Variants in CGNL1 observed in about 807,000 individuals in gnomAD.
The protein encoded by CGNL1 is cingulin like 1.
Under a neutral mutation model 141.2 loss-of-function variants are expected in CGNL1, and 132 were observed. The ratio of observed to expected loss-of-function variants is 0.93; its 90% CI spans 0.81 to 1.08. The LOEUF (loss-of-function observed/expected upper bound fraction) is 1.08. CGNL1 is among the 50% of genes least tolerant of loss of function. CGNL1 has a pLI of 0.00. For synonymous variants in CGNL1, 690 were observed against 622.1 expected (o/e 1.11, Z -1.63); for missense variants, 1,870 against 1,588.6 (o/e 1.18, Z -3.01).
In CGNL1 at chr15:57,516,809, C is replaced by G; in HGVS notation, c.2433C>G (p.Asn811Lys). The G allele has an allele frequency of 6.2e-7, 1 of 1,614,172 alleles. No individual in the cohort carries two copies. The highest frequency in any genetic ancestry group is 1.3e-5 in the African/African-American group (1 of 75,060). The change falls in exon 9 of 19, where the codon AAC becomes AAG. Residue 811 changes from asparagine (N) to lysine (K), a missense_variant. By Grantham distance (94) the Asn-to-Lys change is moderately conservative. Transcript: ENST00000281282. ...KNVEVLASRS[N>K]TSEQDQAGTE... Reference sequence around the variant, plus strand: ...TCGAGGTCTTGGCGAGCAGGAGCAACACTTCAGAGCAAGACCAGGCGGGGA... The same window carrying G: ...TCGAGGTCTTGGCGAGCAGGAGCAAGACTTCAGAGCAAGACCAGGCGGGGA...
At chr15:57,484,606 G>A (rs2063764482) in intron 8 of CGNL1, among the ~76,000 whole-genome samples, 1 of 152,018 alleles carries the variant, frequency 6.6e-6, no homozygotes, top group South Asian at 2.1e-4. Flanking sequence ...GTGCAGGTTT[G>A]TTACATAGGT....
chr15:57,498,005 G>A (rs182233747), intron 8 of CGNL1, among the ~76,000 whole-genome samples: 6 of 152,254 alleles, frequency 3.9e-5, no homozygotes, highest in Non-Finnish European at 5.9e-5. Context: ...AAAGCAGCCC[G>A]TCCACAGGTA....
At position 57,439,324 on chromosome 15, in the gene CGNL1, G is replaced by T; in HGVS notation, c.1325G>T (p.Arg442Leu). 6.2e-7 allele frequency: 1 copy of T among 1,614,084 alleles called. No individual in the cohort carries two copies. Among genetic ancestry groups the T allele is most frequent in the Non-Finnish European group, 8.5e-7 (1 of 1,180,048 alleles). Residue 442 changes from arginine (R) to leucine (L), a missense_variant, in exon 2 of 19, where the codon CGC becomes CTC. Arg to Leu is a moderately radical substitution (Grantham distance 102, BLOSUM62 -2). Transcript: ENST00000281282. ...CGCCGTGGGAAACAGAGCGTGGGCC[G>T]CACCTTTGCAAAGCTGCAGGGAGCA... ...QERRGKQSVG[R>L]TFAKLQGAAH... is the part of the protein sequence containing the mutation.
intron 8 of CGNL1, among the ~76,000 whole-genome samples, chr15:57,482,422 A>C (rs2942035): frequency 0.89 from 134,794 of 152,210 alleles, 61,016 homozygotes; most frequent in Non-Finnish European, 0.98. Flanking sequence ...TTAGTTTTGC[A>C]TTTTACATTT....
At chr15:57,451,727 A>C in intron 5 of CGNL1, 126 bp downstream of exon 5, 1 of 678,046 alleles carries the variant, frequency 1.5e-6, no homozygotes, top group Non-Finnish European at 2.5e-6. Context: ...CATTCCTCTA[A>C]TCACTGAATA....
At chr15:57,524,502 T>A in intron 11 of CGNL1, 79 bp from the exon 12 acceptor site, 2 of 1,266,950 alleles carry the variant, frequency 1.6e-6, no homozygotes, top group Non-Finnish European at 2.2e-6. Context: ...AGAGGAGATG[T>A]GCTGTGTGTT....
At chr15:57,487,544 A>G (rs1257567450) in intron 8 of CGNL1, among the ~76,000 whole-genome samples, 1 of 152,194 alleles carries the variant, frequency 6.6e-6, no homozygotes, top group Non-Finnish European at 1.5e-5. Context: ...TATAAGTGTC[A>G]TTGGTTGTTA....
rs1427255444 is a variant in CGNL1 at position 57,438,056 on chromosome 15, G to A, written c.57G>A (p.Leu19=). Residue 19 remains leucine (L), a synonymous_variant, in exon 2 of 19, where the codon CTG becomes CTA. Coordinates refer to ENST00000281282, the MANE Select transcript of CGNL1 (RefSeq NM_032866.5). ...QHVQQEYGVH[L]RLASDDTQKS... ...TGCAGCAGGAATATGGGGTCCATCTGAGACTCGCAAGTGATGATACCCAAA... is the reference window on the plus strand; with the variant it reads ...TGCAGCAGGAATATGGGGTCCATCTAAGACTCGCAAGTGATGATACCCAAA... The A allele has an allele frequency of 1.2e-6, 2 of 1,614,014 alleles. No individual in the cohort carries two copies. Among genetic ancestry groups the A allele is most frequent in the Admixed American group, 3.3e-5 (2 of 60,032 alleles).
chr15:57,537,662 CTGGCTT>C (rs1206841584), intron 14 of CGNL1, among the ~76,000 whole-genome samples: 2 of 152,162 alleles, frequency 1.3e-5, no homozygotes, highest in African/African-American at 4.8e-5. Flanking sequence ...ACAAATAGCT[CTGGCTT>C]TCCATTAACC....
intron 4 of CGNL1, among the ~76,000 whole-genome samples, chr15:57,447,805 C>CGTGTGTGTGTGTGTGT (rs3985737): frequency 5.5e-5 from 8 of 144,466 alleles, no homozygotes; most frequent in African/African-American, 1.8e-4. Flanking sequence ...TCTCTCTTTT[C>CGTGTGTGTGTGTGTGT]GTGTGTGTGT....
At chr15:57,455,597 C>T (rs984689122) in intron 7 of CGNL1, among the ~76,000 whole-genome samples, 6 of 152,086 alleles carry the variant, frequency 3.9e-5, no homozygotes, top group Admixed American at 2.6e-4. Context: ...TGCTTCTTTC[C>T]GCATTTCACA....
intron 8 of CGNL1, among the ~76,000 whole-genome samples, chr15:57,496,855 A>G (rs972850490): frequency 7.9e-5 from 12 of 152,208 alleles, no homozygotes; most frequent in Admixed American, 3.9e-4. Context: ...CATACATTCA[A>G]GACTTGGTAG....
chr15:57,377,804 A>T (rs2062381753), intron 1 of CGNL1, among the ~76,000 whole-genome samples: 1 of 152,208 alleles, frequency 6.6e-6, no homozygotes, highest in South Asian at 2.1e-4. Context: ...CCAAGTGATA[A>T]TTTGACTTGT....
At chr15:57,512,685 A>G (rs1281751805) in intron 8 of CGNL1, among the ~76,000 whole-genome samples, 11 of 152,180 alleles carry the variant, frequency 7.2e-5, no homozygotes, top group African/African-American at 2.7e-4. Flanking sequence ...CTAACACGCT[A>G]GGGTGCTAGT....
intron 8 of CGNL1, among the ~76,000 whole-genome samples, chr15:57,498,047 T>C (rs1204341404): frequency 2.0e-5 from 3 of 152,064 alleles, no homozygotes; most frequent in African/African-American, 7.3e-5. Context: ...TTTTTTTCCA[T>C]CTGCACTGCC....
intron 7 of CGNL1, among the ~76,000 whole-genome samples, chr15:57,460,446 G>C (rs2063431303): frequency 6.6e-6 from 1 of 152,150 alleles, no homozygotes; most frequent in South Asian, 2.1e-4. Flanking sequence ...GGAACAAAAT[G>C]GCAGAAAGAA....
chr15:57,537,415 G>A (rs2032319547), intron 14 of CGNL1, among the ~76,000 whole-genome samples: 1 of 151,982 alleles, frequency 6.6e-6, no homozygotes, highest in Admixed American at 6.5e-5. Context: ...AGTTGTGAGT[G>A]AAAGATCAGA....
At chr15:57,515,933 C>T (rs1213906769) in intron 8 of CGNL1, among the ~76,000 whole-genome samples, 1 of 151,990 alleles carries the variant, frequency 6.6e-6, no homozygotes, top group African/African-American at 2.4e-5. Context: ...CCGAGGCAGA[C>T]AGATGATGAG....
chr15:57,507,899 G>C (rs2064125268), intron 8 of CGNL1, among the ~76,000 whole-genome samples: 1 of 152,214 alleles, frequency 6.6e-6, no homozygotes, highest in Admixed American at 6.5e-5. Flanking sequence ...ATTGAAACAA[G>C]ATAGACTGAC....
Sources: allele counts gnomAD v4.1 joint callset (sites outside exome capture counted in the v4.1 genomes callset), GRCh38; gene constraint gnomAD v4.1.1; transcripts MANE v1.5; gene names NCBI Gene and HGNC (gene_info 2026-07-23, HGNC 2026-07-21).